Variants in SLC25A40 observed in about 807,000 individuals in gnomAD.
SLC25A40 encodes the protein mitochondrial glutathione transporter SLC25A40.
In SLC25A40, 41 loss-of-function variants were observed where a neutral mutation model predicts 46.5. The observed-to-expected ratio is 0.88, with a 90% CI of 0.69 to 1.14. SLC25A40 has a LOEUF of 1.14. Among genes scored for constraint, SLC25A40 ranks in the 50% most tolerant of loss-of-function variants. The pLI, the probability that SLC25A40 is intolerant of heterozygous loss-of-function variation, is 0.00. For missense variants in SLC25A40, 386 were observed against 393.6 expected, an observed-to-expected ratio of 0.98 and a Z score of 0.16; for synonymous variants, 126 against 127.5, an observed-to-expected ratio of 0.99 and a Z score of 0.08.
intron 1 of SLC25A40, among the ~76,000 whole-genome samples, chr7:87,871,148 G>A (rs1205060111): frequency 6.6e-6 from 1 of 152,224 alleles, no homozygotes; most frequent in Non-Finnish European, 1.5e-5. Context: ...GGAACAGCGA[G>A]TGAGTAGAGT....
intron 1 of SLC25A40, among the ~76,000 whole-genome samples, chr7:87,865,589 G>C (rs1838780905): frequency 6.6e-6 from 1 of 152,146 alleles, no homozygotes; most frequent in Admixed American, 6.5e-5. Context: ...TGGCCAAGAG[G>C]GCGAAACCCC....
Position 87,843,873 on chromosome 7 carries a change from C to G in SLC25A40, c.632-10G>C. 1.3e-6 allele frequency: 2 copies of G among 1,556,146 alleles called. No homozygotes were observed. Among genetic ancestry groups the G allele is most frequent in the Non-Finnish European group, 1.8e-6 (2 of 1,136,866 alleles). Reference sequence around the variant, plus strand: ...TTATACCAGTACATTGCTATAAAAACAGAGAATGAAATGAACACATATTTA... The same window carrying G: ...TTATACCAGTACATTGCTATAAAAAGAGAGAATGAAATGAACACATATTTA... On this transcript the variant is annotated splice_polypyrimidine_tract_variant and intron_variant, in intron 8 of 11. Coordinates refer to ENST00000341119, the MANE Select transcript of SLC25A40 (RefSeq NM_018843.4).
At chr7:87,866,540 G>A (rs1838801572) in intron 1 of SLC25A40, among the ~76,000 whole-genome samples, 1 of 152,200 alleles carries the variant, frequency 6.6e-6, no homozygotes, top group Non-Finnish European at 1.5e-5. Context: ...GGTGCCAGTT[G>A]AGTTGGTTTC....
chr7:87,854,299 C>T lies in SLC25A40; in HGVS notation c.169G>A (p.Val57Ile), dbSNP rs762070622. The part of the protein sequence containing the change: ...NNPLPKGKCF[V>I]YSNGLMDHLC... ...TGATCCATGAGTCCATTACTATATA[C>T]AAAACATTTTCCTAACAAAGAAGAT... The change falls in exon 5 of 12, where the codon GTA becomes ATA. Residue 57 changes from valine (V) to isoleucine (I), a missense_variant. Val to Ile is a conservative substitution (Grantham distance 29). Coordinates refer to ENST00000341119, the MANE Select transcript of SLC25A40 (RefSeq NM_018843.4). 31 of 1,601,030 alleles carry T rather than the reference C, an allele frequency of 1.9e-5. No individual in the cohort carries two copies. Among genetic ancestry groups the T allele is most frequent in the Admixed American group, 3.4e-5 (2 of 57,974 alleles).
intron 10 of SLC25A40, 83 bp downstream of exon 10, chr7:87,841,550 T>C: frequency 1.4e-6 from 1 of 727,320 alleles, no homozygotes; most frequent in Non-Finnish European, 2.1e-6. Context: ...AATCTTGTTT[T>C]CCTTATTTTA....
At chr7:87,866,078 C>T (rs1417115321) in intron 1 of SLC25A40, among the ~76,000 whole-genome samples, 1 of 149,806 alleles carries the variant, frequency 6.7e-6, no homozygotes, top group Non-Finnish European at 1.5e-5. Flanking sequence ...ACAAAACCCT[C>T]TCTAGGAAAA....
intron 1 of SLC25A40, among the ~76,000 whole-genome samples, chr7:87,865,942 G>A (rs1004819310): frequency 9.2e-5 from 14 of 152,080 alleles, no homozygotes; most frequent in Non-Finnish European, 1.3e-4. Flanking sequence ...AATTAGCCAG[G>A]TGTGGTGGCA....
intron 3 of SLC25A40, among the ~76,000 whole-genome samples, chr7:87,856,568 G>A (rs191976613): frequency 6.6e-6 from 1 of 152,116 alleles, no homozygotes; most frequent in East Asian, 1.9e-4. Flanking sequence ...TCTCTCATGA[G>A]TACTAAACTG....
chr7:87,844,056 AT>A, intron 8 of SLC25A40, 193 bp from the exon 9 acceptor site: 3 of 930,484 alleles, frequency 3.2e-6, no homozygotes, highest in Non-Finnish European at 3.8e-6. Flanking sequence ...TAGTAGTCCT[AT>A]AAACAAAAAA....
At chr7:87,836,877 C>G in intron 10 of SLC25A40, 67 bp from the exon 11 acceptor site, 1 of 938,520 alleles carries the variant, frequency 1.1e-6, no homozygotes, top group African/African-American at 1.8e-5. Context: ...CTACAGATAA[C>G]ATAGTGTCCA....
intron 10 of SLC25A40, among the ~76,000 whole-genome samples, chr7:87,839,185 T>TA (rs1046952070): frequency 2.0e-4 from 31 of 151,748 alleles, no homozygotes; most frequent in African/African-American, 7.2e-4. Context: ...GTAATTTATA[T>TA]AAAATGTTCT....
chr7:87,844,384 A>C (rs1306924153), intron 8 of SLC25A40, among the ~76,000 whole-genome samples: 1 of 152,086 alleles, frequency 6.6e-6, no homozygotes, highest in Non-Finnish European at 1.5e-5. Flanking sequence ...AAAAGAAACA[A>C]ATTTCTTGGA....
chr7:87,850,838 G>A (rs1054173572), intron 5 of SLC25A40, among the ~76,000 whole-genome samples: 9 of 151,480 alleles, frequency 5.9e-5, no homozygotes, highest in African/African-American at 1.7e-4. Flanking sequence ...AAAATGCAAA[G>A]CAAAACTACA....
At chr7:87,871,038 T>C (rs762354395) in intron 1 of SLC25A40, among the ~76,000 whole-genome samples, 4 of 152,172 alleles carry the variant, frequency 2.6e-5, no homozygotes, top group African/African-American at 4.8e-5. Flanking sequence ...CTCTCCTAGA[T>C]GCTGCCACAG....
chr7:87,856,191 T>A, intron 4 of SLC25A40, 101 bp downstream of exon 4: 2 of 1,053,256 alleles, frequency 1.9e-6, no homozygotes, highest in Non-Finnish European at 2.8e-6. Context: ...TAAAGAGGCA[T>A]CAATTTTAAT....
chr7:87,836,709 C>T (rs773851936), intron 11 of SLC25A40, 21 bp downstream of exon 11: 3 of 1,441,514 alleles, frequency 2.1e-6, no homozygotes, highest in Admixed American at 2.1e-5. Flanking sequence ...TTCAATGATT[C>T]GGTAAAGCAA....
intron 6 of SLC25A40, among the ~76,000 whole-genome samples, chr7:87,848,313 T>TC (rs1379112858): frequency 6.6e-6 from 1 of 152,102 alleles, no homozygotes; most frequent in East Asian, 1.9e-4. Context: ...GGAACAAGAA[T>TC]CACTTGAACC....
intron 1 of SLC25A40, among the ~76,000 whole-genome samples, chr7:87,872,930 T>G (rs1272508022): frequency 6.6e-6 from 1 of 152,216 alleles, no homozygotes; most frequent in Non-Finnish European, 1.5e-5. Flanking sequence ...CCTGAGACAT[T>G]AACTACAGTT....
intron 10 of SLC25A40, among the ~76,000 whole-genome samples, chr7:87,841,252 T>C (rs536989604): frequency 1.3e-5 from 2 of 151,134 alleles, no homozygotes; most frequent in South Asian, 4.2e-4. Context: ...TTGTCTAAAT[T>C]TATTTTATTG....
Sources: allele counts gnomAD v4.1 joint callset (sites outside exome capture counted in the v4.1 genomes callset), GRCh38; gene constraint gnomAD v4.1.1; transcripts MANE v1.5; gene names NCBI Gene and HGNC (gene_info 2026-07-23, HGNC 2026-07-21).